The following PIEZO2 variants were observed in gnomAD, a reference collection of about 807,000 sequenced individuals.
The protein encoded by PIEZO2 is piezo type mechanosensitive ion channel component 2, also known as piezo-type mechanosensitive ion channel component 2.
A neutral mutation model predicts 337.3 loss-of-function variants in PIEZO2; 172 were observed. That is an observed-to-expected ratio of 0.51 (90% CI 0.45 to 0.58). The LOEUF (loss-of-function observed/expected upper bound fraction) is 0.58, where lower values mean the gene tolerates loss of function less well. PIEZO2 is among the 20% of genes least tolerant of loss of function. The pLI, the probability that PIEZO2 is intolerant of heterozygous loss-of-function variation, is 0.00. For synonymous variants in PIEZO2, 1,251 were observed against 1,228.5 expected (o/e 1.02, Z -0.38); for missense variants, 3,028 against 3,391.3 (o/e 0.89, Z 2.66).
At chr18:10,946,717 G>C (rs1487063578) in intron 3 of PIEZO2, among the ~76,000 whole-genome samples, 9 of 152,174 alleles carry the variant, frequency 5.9e-5, no homozygotes, top group Admixed American at 5.2e-4. Flanking sequence ...CCCTCATACT[G>C]AACCTCAATA....
In PIEZO2 at chr18:10,794,304, A is replaced by T. The variant is rs115790113; in HGVS notation, c.1758+468T>A. Among the ~76,000 whole-genome samples the T allele has an allele frequency of 2.0e-4, 30 of 152,342 alleles. No individual in the cohort carries two copies. Among genetic ancestry groups the T allele is most frequent in the African/African-American group, 7.2e-4 (30 of 41,574 alleles). ...CAGTAGAAGAAAAACAGCAAGTGTCATACTTCATTTTTGCTGCTAAAAATG... is the reference window on the plus strand; with the variant it reads ...CAGTAGAAGAAAAACAGCAAGTGTCTTACTTCATTTTTGCTGCTAAAAATG... On this transcript the variant is annotated intron_variant, in intron 13 of 55. Coordinates refer to ENST00000674853, the MANE Select transcript of PIEZO2 (RefSeq NM_001378183.1). The surrounding 1 kb of genome is among the most constrained non-coding windows in gnomAD (Gnocchi z 6.6).
In PIEZO2 at chr18:10,676,685, AAT is replaced by A. The variant is rs1367981094; in HGVS notation, c.8081+1060_8081+1061del. Among the ~76,000 whole-genome samples the A allele has an allele frequency of 1.3e-5, 2 of 152,202 alleles. No homozygotes were observed. The highest frequency in any genetic ancestry group is 2.9e-5 in the Non-Finnish European group (2 of 68,034). ...AGGTTTGTCATCTAGAGATGAGATC[AAT>A]ACTTTTTGGGCCAGGTGGACAGAGA... On this transcript the variant is annotated intron_variant, in intron 53 of 55. Coordinates refer to ENST00000674853, the MANE Select transcript of PIEZO2 (RefSeq NM_001378183.1). The surrounding 1 kb of genome is among the most constrained non-coding windows in gnomAD (Gnocchi z 5.1).
At chr18:11,051,878 C>T (rs1287887201) in intron 2 of PIEZO2, among the ~76,000 whole-genome samples, 1 of 152,190 alleles carries the variant, frequency 6.6e-6, no homozygotes, top group Non-Finnish European at 1.5e-5. Flanking sequence ...TCTATGCCAG[C>T]TTTGTGGGTA....
rs1434729834 is a variant in PIEZO2 at position 10,979,807 on chromosome 18, T to C, written c.161-147A>G. The C allele has an allele frequency of 4.4e-6, 3 of 676,084 alleles. No individual in the cohort carries two copies. Among genetic ancestry groups the C allele is most frequent in the Non-Finnish European group, 6.5e-6 (3 of 459,374 alleles). The allele number at this position is 676,084 out of a possible 1,614,324, so 41.9% of individuals were successfully genotyped here. ...ATAATTATCATCTTAATTATTAGTC[T>C]ATAGCTAAATGGTATCTTATTCCCT... On this transcript the variant is annotated intron_variant, in intron 2 of 55. Coordinates refer to ENST00000674853, the MANE Select transcript of PIEZO2 (RefSeq NM_001378183.1). This position sits in a 1 kb window ranked among gnomAD's most constrained non-coding sequence, Gnocchi z 4.0.
At chr18:10,995,091 A>AG (rs71169966) in intron 2 of PIEZO2, among the ~76,000 whole-genome samples, 2 of 151,386 alleles carry the variant, frequency 1.3e-5, no homozygotes, top group Admixed American at 1.3e-4. Context: ...AAAAAAAAAA[A>AG]AAAAAGAAAA....
intron 36 of PIEZO2, among the ~76,000 whole-genome samples, chr18:10,722,562 G>A (rs538672495): frequency 2.0e-5 from 3 of 151,988 alleles, no homozygotes; most frequent in Admixed American, 2.0e-4. Flanking sequence ...TGGAAACCTG[G>A]AAACTGCAAG....
Position 10,814,199 on chromosome 18 carries a change from G to A in PIEZO2, c.918-6925C>T, listed in dbSNP as rs572693243. On this transcript the variant is annotated intron_variant, in intron 7 of 55. Transcript: ENST00000674853. ...TTAGCCAGGATGGTCTTGATCTCCT[G>A]ACCTCATGATCTGCCCGCCTTGGCC... is the stretch of plus-strand genomic sequence containing the variant. 2.6e-5 allele frequency among the ~76,000 whole-genome samples: 4 copies of A among 152,072 alleles called. No individual in the cohort carries two copies. In the East Asian group the frequency reaches 5.8e-4, roughly 22 times the overall value.
At chr18:10,896,774 G>A (rs529521208) in intron 4 of PIEZO2, among the ~76,000 whole-genome samples, 2 of 152,278 alleles carry the variant, frequency 1.3e-5, no homozygotes, top group South Asian at 2.1e-4. Flanking sequence ...ACTGATCCTT[G>A]CTGTGTGAGG....
chr18:10,887,531 C>T (rs2042642327), intron 4 of PIEZO2, among the ~76,000 whole-genome samples: 1 of 152,092 alleles, frequency 6.6e-6, no homozygotes, highest in African/African-American at 2.4e-5. Flanking sequence ...GGGACAAATA[C>T]CCAAACCATA....
intron 1 of PIEZO2, among the ~76,000 whole-genome samples, chr18:11,106,430 T>A (rs1453144268): frequency 2.0e-5 from 3 of 148,686 alleles, no homozygotes; most frequent in African/African-American, 7.5e-5. Context: ...TTTTTTTTTT[T>A]TTTTTCTGAG....
Position 10,682,720 on chromosome 18 carries a change from C to T in PIEZO2, c.7498-428G>A, listed in dbSNP as rs1274613976. On this transcript the variant is annotated intron_variant, in intron 49 of 55. Coordinates refer to ENST00000674853, the MANE Select transcript of PIEZO2 (RefSeq NM_001378183.1). The surrounding 1 kb of genome is among the most constrained non-coding windows in gnomAD (Gnocchi z 5.6). ...TCTGTGCCTTTCAGTTGACCCTTCCCTGCCCTTGGAGGGTGAAAAAACATG... is the reference window on the plus strand; with the variant it reads ...TCTGTGCCTTTCAGTTGACCCTTCCTTGCCCTTGGAGGGTGAAAAAACATG... 6.6e-6 allele frequency among the ~76,000 whole-genome samples: 1 copy of T among 152,032 alleles called. No individual in the cohort carries two copies. The highest frequency in any genetic ancestry group is 2.4e-5 in the African/African-American group (1 of 41,390).
At chr18:10,800,240 T>C (rs1243365503) in intron 11 of PIEZO2, 97 bp downstream of exon 11, 3 of 1,446,760 alleles carry the variant, frequency 2.1e-6, no homozygotes, top group Non-Finnish European at 2.7e-6. Context: ...TGGATACAGT[T>C]TTTAAAAAAA....
At chr18:10,955,454 A>T (rs2033476397) in intron 3 of PIEZO2, among the ~76,000 whole-genome samples, 1 of 152,186 alleles carries the variant, frequency 6.6e-6, no homozygotes, top group South Asian at 2.1e-4. Context: ...AGCCACTAGA[A>T]TAAAGTGCTT....
rs9957010 is a variant in PIEZO2 at position 10,952,689 on chromosome 18, G to A, written c.286+26846C>T. 0.046 allele frequency among the ~76,000 whole-genome samples: 7,049 copies of A among 152,106 alleles called. 539 individuals are homozygous for A. The highest frequency in any genetic ancestry group is 0.16 in the African/African-American group (6,503 of 41,478). On this transcript the variant is annotated intron_variant, in intron 3 of 55. Coordinates refer to ENST00000674853, the MANE Select transcript of PIEZO2 (RefSeq NM_001378183.1). This position sits in a 1 kb window ranked among gnomAD's most constrained non-coding sequence, Gnocchi z 4.1. Reference sequence around the variant, plus strand: ...TTTAAAGTCAAATTTTCACTTCACCGGAGGAAATATCACCCAGTGGGATTC... The same window carrying A: ...TTTAAAGTCAAATTTTCACTTCACCAGAGGAAATATCACCCAGTGGGATTC...
chr18:10,763,396 C>T (rs944696488), intron 21 of PIEZO2: 23 of 315,066 alleles, frequency 7.3e-5, no homozygotes, highest in Non-Finnish European at 1.7e-5. Context: ...CCAGAAGGGT[C>T]CTTGGTCCAA....
At chr18:10,950,401 A>G (rs961634857) in intron 3 of PIEZO2, among the ~76,000 whole-genome samples, 5 of 152,198 alleles carry the variant, frequency 3.3e-5, no homozygotes, top group African/African-American at 1.2e-4. Context: ...AAAACACAAC[A>G]AAACACATGC....
chr18:10,691,782 C>CACACACACACATATATAT lies in PIEZO2; in HGVS notation c.7191-400_7191-399insATATATATGTGTGTGTGT. Reference sequence around the variant, plus strand: ...AAATATATATAAACACACACACACACATATATATATATATATATAGAGAGA... The same window carrying CACACACACACATATATAT: ...AAATATATATAAACACACACACACACACACACACACATATATATATATATATATATATATATAGAGAGA... On this transcript the variant is annotated intron_variant, in intron 47 of 55. Coordinates refer to ENST00000674853, the MANE Select transcript of PIEZO2 (RefSeq NM_001378183.1). Among the ~76,000 whole-genome samples, 9 of 96,614 alleles carry CACACACACACATATATAT rather than the reference C, an allele frequency of 9.3e-5. 1 individual carries two copies. Among genetic ancestry groups the CACACACACACATATATAT allele is most frequent in the South Asian group, 8.1e-4 (2 of 2,464 alleles). 63.4% of individuals were successfully genotyped at this position (96,614 alleles called of 152,430 possible). A position where few individuals can be genotyped will look rare whatever the true frequency, so the allele number is the denominator to read the frequency against.
At chr18:10,950,735 C>T (rs981632753) in intron 3 of PIEZO2, among the ~76,000 whole-genome samples, 2 of 152,194 alleles carry the variant, frequency 1.3e-5, no homozygotes, top group South Asian at 2.1e-4. Flanking sequence ...CTTCCCTCTT[C>T]TGTACCAAAT....
chr18:10,951,603 A>G (rs552752324), intron 3 of PIEZO2, among the ~76,000 whole-genome samples: 3 of 152,362 alleles, frequency 2.0e-5, no homozygotes, highest in East Asian at 3.9e-4. Flanking sequence ...CTAAACTCCT[A>G]TAAATGATAT....
Sources: gnomAD v4.1 joint callset for allele counts (sites outside exome capture counted in the v4.1 genomes callset) on GRCh38, gnomAD v4.1.1 for gene constraint, Gnocchi (gnomAD v3.1) non-coding constraint, MANE v1.5 for transcripts, NCBI Gene and HGNC (gene_info 2026-07-23, HGNC 2026-07-21) for gene names.